TLK1: variants seen among roughly 807,000 people sequenced by gnomAD.
TLK1 encodes the protein tousled like kinase 1.
TLK1 carries 24 observed loss-of-function variants against 105.3 expected under a neutral mutation model. The ratio of observed to expected loss-of-function variants is 0.23; its 90% confidence interval spans 0.17 to 0.32. The LOEUF (loss-of-function observed/expected upper bound fraction) is 0.32, where lower values mean the gene tolerates loss of function less well. Ranked by LOEUF, TLK1 falls within the 10% of genes least tolerant of loss-of-function variation. The probability of loss-of-function intolerance (pLI) is 1.00; values close to 1 mark genes in which losing one functional copy is unlikely to be tolerated. For missense variants in TLK1, 558 were observed against 910.5 expected, an observed-to-expected ratio of 0.61 and a Z score of 4.98; for synonymous variants, 321 against 310.4, an observed-to-expected ratio of 1.03 and a Z score of -0.36.
intron 1 of TLK1, among the ~76,000 whole-genome samples, chr2:171,129,493 G>T (rs1268021088): frequency 6.6e-6 from 1 of 152,128 alleles, no homozygotes; most frequent in Non-Finnish European, 1.5e-5. Context: ...TTTGTAAGAA[G>T]TCCAAGTTGA....
intron 1 of TLK1, among the ~76,000 whole-genome samples, chr2:171,199,748 A>G (rs1271286542): frequency 6.6e-6 from 1 of 152,208 alleles, no homozygotes; most frequent in Non-Finnish European, 1.5e-5. Flanking sequence ...TCGAAATAGA[A>G]TCTGAAAATT....
chr2:171,187,092 AAAAG>A (rs1693044430), intron 1 of TLK1, among the ~76,000 whole-genome samples: 1 of 148,486 alleles, frequency 6.7e-6, no homozygotes, highest in East Asian at 2.1e-4. Context: ...AAGAAAAAGA[AAAAG>A]AAAAAGAAAA....
At chr2:171,217,170 G>A (rs994953227) in intron 1 of TLK1, among the ~76,000 whole-genome samples, 1 of 152,164 alleles carries the variant, frequency 6.6e-6, no homozygotes. Flanking sequence ...TTCAGAGCCT[G>A]GCATGATTGC....
At chr2:171,108,726 C>A (rs1490689897) in intron 2 of TLK1, among the ~76,000 whole-genome samples, 1 of 152,054 alleles carries the variant, frequency 6.6e-6, no homozygotes, top group East Asian at 1.9e-4. Flanking sequence ...AACTCAGCCT[C>A]CCAAGAAGCT....
At chr2:171,143,529 A>AAAAAAAAAAAAAAAG (rs1691672910) in intron 1 of TLK1, among the ~76,000 whole-genome samples, 1 of 51,846 alleles carries the variant, frequency 1.9e-5, no homozygotes, top group Non-Finnish European at 3.5e-5. Flanking sequence ...AAAAAAAAAA[A>AAAAAAAAAAAAAAAG]AAAAAAAAAA....
intron 12 of TLK1, among the ~76,000 whole-genome samples, chr2:171,028,042 A>G (rs191484208): frequency 3.5e-4 from 54 of 152,296 alleles, no homozygotes; most frequent in Middle Eastern, 6.8e-3. Context: ...GCATGCCTGT[A>G]ATCCCAGCTA....
intron 1 of TLK1, among the ~76,000 whole-genome samples, chr2:171,172,979 A>G (rs1259553143): frequency 6.6e-6 from 1 of 152,232 alleles, no homozygotes; most frequent in Non-Finnish European, 1.5e-5. Context: ...TAACTGTATA[A>G]CATACATATA....
intron 2 of TLK1, among the ~76,000 whole-genome samples, chr2:171,087,472 T>C (rs1689032596): frequency 6.6e-6 from 1 of 152,094 alleles, no homozygotes; most frequent in Non-Finnish European, 1.5e-5. Context: ...AAAAATAGTG[T>C]CTGTTGGACA....
chr2:171,076,774 C>T (rs182643058), intron 3 of TLK1, among the ~76,000 whole-genome samples: 8 of 150,840 alleles, frequency 5.3e-5, no homozygotes, highest in African/African-American at 9.8e-5. Flanking sequence ...ATCAGCCAGG[C>T]GTGGTGGTGG....
chr2:171,025,024 A>G (rs1376114662), intron 12 of TLK1, among the ~76,000 whole-genome samples: 1 of 152,186 alleles, frequency 6.6e-6, no homozygotes, highest in Non-Finnish European at 1.5e-5. Flanking sequence ...ATAAGTCCAT[A>G]AGTAAGTTTA....
chr2:171,036,168 GAC>G (rs142621513), intron 11 of TLK1, among the ~76,000 whole-genome samples: 1 of 152,350 alleles, frequency 6.6e-6, no homozygotes, highest in Non-Finnish European at 1.5e-5. Flanking sequence ...CTGAAGGCTG[GAC>G]ACAGTGGCTC....
Position 171,095,582 on chromosome 2 carries a change from A to G in TLK1, c.259-12730T>C, listed in dbSNP as rs138107085. On this transcript the variant is annotated intron_variant, in intron 2 of 20. Transcript: ENST00000431350. ...ATTCTAGAAGACATAAATATCCTCA[A>G]CAAAACACTAGCAAACCAAATTCAA... Among the ~76,000 whole-genome samples the G allele has an allele frequency of 1.4e-3, 210 of 152,342 alleles. 1 individual carries two copies. The highest frequency in any genetic ancestry group is 6.8e-3 in the Middle Eastern group (2 of 294).
At chr2:171,123,055 A>AATACACACAC (rs1690721649) in intron 1 of TLK1, among the ~76,000 whole-genome samples, 2 of 79,256 alleles carry the variant, frequency 2.5e-5, no homozygotes, top group African/African-American at 8.7e-5. Context: ...TAAATAAATA[A>AATACACACAC]ATACACACAC....
chr2:171,187,057 CAAA>C (rs71013019), intron 1 of TLK1, among the ~76,000 whole-genome samples: 4 of 34,058 alleles, frequency 1.2e-4, no homozygotes, highest in African/African-American at 2.7e-4. Context: ...GACTCTGTCT[CAAA>C]AAAAAAAAAA....
chr2:171,088,994 G>A (rs912988772), intron 2 of TLK1, among the ~76,000 whole-genome samples: 1 of 152,186 alleles, frequency 6.6e-6, no homozygotes, highest in African/African-American at 2.4e-5. Flanking sequence ...AAGTGATTCT[G>A]CCTCAGCCTT....
intron 11 of TLK1, chr2:171,045,451 G>A (rs1336893689): frequency 2.4e-4 from 4 of 16,918 alleles, no homozygotes; most frequent in Non-Finnish European, 3.2e-4. Context: ...CTGACCTCAC[G>A]TGATCCACCC....
At chr2:171,109,791 T>C (rs1359019125) in intron 2 of TLK1, among the ~76,000 whole-genome samples, 1 of 152,190 alleles carries the variant, frequency 6.6e-6, no homozygotes, top group Non-Finnish European at 1.5e-5. Flanking sequence ...GGAATTCTAT[T>C]CAGCAACAAA....
rs192168121 is a variant in TLK1 at position 171,152,268 on chromosome 2, T to C, written c.139+8022A>G. Among the ~76,000 whole-genome samples the C allele has an allele frequency of 7.8e-3, 1,185 of 152,368 alleles. 13 individuals carry two copies. Among genetic ancestry groups the C allele is most frequent in the Non-Finnish European group, 0.011 (746 of 68,036 alleles). Reference sequence around the variant, plus strand: ...CCCCAAAATACTTATATTTGGCTAATGAATCTATGTAGAATATAATCACTT... The same window carrying C: ...CCCCAAAATACTTATATTTGGCTAACGAATCTATGTAGAATATAATCACTT... On this transcript the variant is annotated intron_variant, in intron 1 of 20. Transcript: ENST00000431350.
chr2:171,128,281 AT>A (rs1255524175), intron 1 of TLK1, among the ~76,000 whole-genome samples: 1 of 152,204 alleles, frequency 6.6e-6, no homozygotes, highest in Non-Finnish European at 1.5e-5. Context: ...TAATAAAAAA[AT>A]CTGACAACTA....
Sources: allele counts gnomAD v4.1 joint callset (sites outside exome capture counted in the v4.1 genomes callset), GRCh38; gene constraint gnomAD v4.1.1; transcripts MANE v1.5; gene names NCBI Gene and HGNC (gene_info 2026-07-23, HGNC 2026-07-21).